The following TTLL7 variants were observed in gnomAD, a reference collection of about 807,000 sequenced individuals.
TTLL7 encodes the protein tubulin tyrosine ligase like 7.
A neutral mutation model predicts 120.2 loss-of-function variants in TTLL7; 53 were observed. The ratio of observed to expected loss-of-function variants is 0.44; its 90% CI spans 0.35 to 0.55. The LOEUF (loss-of-function observed/expected upper bound fraction) is 0.55, where lower values mean the gene tolerates loss of function less well. Among genes scored for constraint, TTLL7 ranks in the 20% least tolerant of loss-of-function variants. The pLI is 0.00. For missense variants in TTLL7, 803 were observed against 1,054.7 expected, an observed-to-expected ratio of 0.76 and a Z score of 3.31; for synonymous variants, 353 against 351.7, an observed-to-expected ratio of 1.00 and a Z score of -0.04.
At chr1:83,897,380 TA>T (rs1656322167) in intron 18 of TTLL7, among the ~76,000 whole-genome samples, 1 of 152,076 alleles carries the variant, frequency 6.6e-6, no homozygotes. Flanking sequence ...AATGAATGAG[TA>T]AACAACTCTC....
At chr1:83,935,266 T>C (rs1207335859) in intron 8 of TTLL7, among the ~76,000 whole-genome samples, 1 of 152,146 alleles carries the variant, frequency 6.6e-6, no homozygotes, top group African/African-American at 2.4e-5. Flanking sequence ...CTGATAAGTA[T>C]CTGTATGGAA....
intron 18 of TTLL7, among the ~76,000 whole-genome samples, chr1:83,892,928 G>GAGAAAGAAA (rs1553129438): frequency 1.2e-4 from 12 of 102,668 alleles, no homozygotes; most frequent in Non-Finnish European, 1.4e-4. Flanking sequence ...GAAAGAAAAA[G>GAGAAAGAAA]AGAAAGAAAG....
Position 83,919,546 on chromosome 1 carries a change from C to G in TTLL7, c.1500+153G>C, listed in dbSNP as rs550371008. 1.1e-4 allele frequency among the ~76,000 whole-genome samples: 17 copies of G among 152,216 alleles called. No individual in the cohort carries two copies. In the South Asian group the frequency reaches 3.5e-3, roughly 32 times the overall value. On this transcript the variant is annotated intron_variant, in intron 13 of 20. Transcript: ENST00000260505. Reference sequence around the variant, plus strand: ...TATCTTATGAAGTAAGTTGGTTCATCATGAAATGTTACCAACTGTTAAAAT... The same window carrying G: ...TATCTTATGAAGTAAGTTGGTTCATGATGAAATGTTACCAACTGTTAAAAT...
intron 1 of TTLL7, among the ~76,000 whole-genome samples, chr1:83,992,929 GATTTTCAGCAATC>G (rs1267440239): frequency 6.6e-6 from 1 of 150,426 alleles, no homozygotes; most frequent in Non-Finnish European, 1.5e-5. Flanking sequence ...TTACTGTCCT[GATTTTCAGCAATC>G]ATTATGAATA....
chr1:83,917,356 T>A (rs1658278173), intron 14 of TTLL7, among the ~76,000 whole-genome samples: 1 of 152,200 alleles, frequency 6.6e-6, no homozygotes, highest in African/African-American at 2.4e-5. Context: ...AGCTCTTGGG[T>A]CCCTTTTGGC....
chr1:83,931,516 G>C (rs1312166692), intron 9 of TTLL7, among the ~76,000 whole-genome samples: 2 of 151,860 alleles, frequency 1.3e-5, no homozygotes, highest in African/African-American at 4.8e-5. Context: ...TATTAATCAT[G>C]CTATTGTTTT....
chr1:83,875,924 T>A (rs1653888561), intron 20 of TTLL7, among the ~76,000 whole-genome samples: 1 of 151,856 alleles, frequency 6.6e-6, no homozygotes, highest in Admixed American at 6.6e-5. Context: ...GATGAACATA[T>A]GTTTTTAATT....
At chr1:83,893,970 T>G (rs1322452807) in intron 18 of TTLL7, among the ~76,000 whole-genome samples, 1 of 152,136 alleles carries the variant, frequency 6.6e-6, no homozygotes, top group Admixed American at 6.6e-5. Context: ...ATCTTAAAAC[T>G]TCACAACAAT....
intron 1 of TTLL7, among the ~76,000 whole-genome samples, chr1:83,965,330 C>A (rs1014913662): frequency 1.3e-5 from 2 of 151,994 alleles, no homozygotes; most frequent in Non-Finnish European, 2.9e-5. Context: ...AGTGAGTTCT[C>A]ACGAAATCTG....
Position 83,867,446 on chromosome 1 carries a change from A to T in TTLL7, c.*2516T>A, listed in dbSNP as rs1652989063. On this transcript the variant is annotated 3_prime_UTR_variant, in exon 21 of 21. Coordinates refer to ENST00000260505, the MANE Select transcript of TTLL7 (RefSeq NM_024686.6). ...TGTAACGCTCAAAATAAGGCCAGAC[A>T]TAAGTAGCTAGAGAAATGAAATTTA... is the stretch of plus-strand genomic sequence containing the variant. 6.6e-6 allele frequency: 1 copy of T among 152,068 alleles called. No individual in the cohort carries two copies. The highest frequency in any genetic ancestry group is 6.6e-5 in the Admixed American group (1 of 15,262). The allele number at this position is 152,068 out of a possible 1,614,324, so 9.4% of individuals were successfully genotyped here.
At chr1:83,931,316 G>A (rs1659577436) in intron 9 of TTLL7, among the ~76,000 whole-genome samples, 1 of 151,934 alleles carries the variant, frequency 6.6e-6, no homozygotes, top group East Asian at 1.9e-4. Context: ...ACAAATTAAA[G>A]TATCCATAAT....
chr1:83,874,007 T>A lies in TTLL7; in HGVS notation c.2544-3925A>T, dbSNP rs200969527. Among the ~76,000 whole-genome samples, 59 of 152,248 alleles carry A rather than the reference T, an allele frequency of 3.9e-4. No homozygotes were observed. In the East Asian group the frequency reaches 0.011, roughly 28 times the overall value. On this transcript the variant is annotated intron_variant, in intron 20 of 20. Coordinates refer to ENST00000260505, the MANE Select transcript of TTLL7 (RefSeq NM_024686.6). ...AGTGTACTATTAAATAGTGTTTTTC[T>A]TACCATTTTTAATTGTACAATTCAG...
chr1:83,965,792 C>A (rs907694447), intron 1 of TTLL7, among the ~76,000 whole-genome samples: 3 of 152,076 alleles, frequency 2.0e-5, no homozygotes, highest in African/African-American at 7.2e-5. Context: ...ATTTCAAACT[C>A]TTCTTTCTCA....
chr1:83,947,097 A>T (rs1388834531), intron 6 of TTLL7, 27 bp downstream of exon 6: 9 of 1,544,726 alleles, frequency 5.8e-6, no homozygotes, highest in Admixed American at 4.5e-5. Flanking sequence ...TTTTATTTTT[A>T]TATATTCCAA....
intron 15 of TTLL7, among the ~76,000 whole-genome samples, chr1:83,909,173 G>A (rs1281447868): frequency 6.6e-6 from 1 of 151,668 alleles, no homozygotes; most frequent in Non-Finnish European, 1.5e-5. Flanking sequence ...CTCTCTTTGA[G>A]GGGTTATGGT....
At chr1:83,967,984 A>G (rs1324669680) in intron 1 of TTLL7, among the ~76,000 whole-genome samples, 1 of 152,084 alleles carries the variant, frequency 6.6e-6, no homozygotes, top group African/African-American at 2.4e-5. Flanking sequence ...GGGTAAGAAC[A>G]GTCGGGATGG....
chr1:83,893,048 T>C (rs2100736647), intron 18 of TTLL7, among the ~76,000 whole-genome samples: 1 of 151,226 alleles, frequency 6.6e-6, no homozygotes, highest in East Asian at 2.0e-4. Flanking sequence ...TTCAAGAATA[T>C]AATAACTACC....
intron 1 of TTLL7, among the ~76,000 whole-genome samples, chr1:83,955,843 A>G (rs1368397699): frequency 1.3e-5 from 2 of 152,112 alleles, no homozygotes; most frequent in Admixed American, 6.6e-5. Context: ...CTCCACAAAA[A>G]TTTAAAAATT....
At chr1:83,875,707 A>T (rs1335272456) in intron 20 of TTLL7, among the ~76,000 whole-genome samples, 1 of 151,828 alleles carries the variant, frequency 6.6e-6, no homozygotes, top group Non-Finnish European at 1.5e-5. Flanking sequence ...CATTTCCCTG[A>T]TTATTAGCTT....
Sources: gnomAD v4.1 joint callset for allele counts (sites outside exome capture counted in the v4.1 genomes callset) on GRCh38, gnomAD v4.1.1 for gene constraint, MANE v1.5 for transcripts, NCBI Gene and HGNC (gene_info 2026-07-23, HGNC 2026-07-21) for gene names.